Variants in NAA11 observed in about 807,000 individuals in gnomAD.
NAA11 encodes the protein N-alpha-acetyltransferase 11, NatA catalytic subunit.
Under a neutral mutation model 16.1 loss-of-function variants are expected in NAA11, and 15 were observed. That is an observed-to-expected ratio of 0.93 (90% CI 0.62 to 1.44). The LOEUF (loss-of-function observed/expected upper bound fraction) is 1.44, where lower values mean the gene tolerates loss of function less well. NAA11 is among the 40% of genes most tolerant of loss of function. NAA11 has a pLI of 0.00. For synonymous variants in NAA11, 122 were observed against 112.4 expected (o/e 1.09, Z -0.54); for missense variants, 298 against 291.3 (o/e 1.02, Z -0.17).
intron 2 of NAA11, among the ~76,000 whole-genome samples, chr4:79,262,544 T>C (rs1424813341): frequency 6.6e-6 from 1 of 152,142 alleles, no homozygotes; most frequent in Non-Finnish European, 1.5e-5. Context: ...AAACATCTTC[T>C]TATTCAGCAA....
chr4:79,192,344 C>A, the NAA11 span, among the ~76,000 whole-genome samples: 1 of 151,162 alleles, frequency 6.6e-6, no homozygotes, highest in East Asian at 1.9e-4. Flanking sequence ...CATCATTTAA[C>A]ATTAGGTATA....
intron 2 of NAA11, among the ~76,000 whole-genome samples, chr4:79,243,960 T>C (rs563939367): frequency 4.6e-5 from 7 of 152,348 alleles, no homozygotes; most frequent in South Asian, 2.1e-4. Context: ...CCCTTGGGAA[T>C]TGAGCATGCG....
chr4:79,226,408 C>T (rs911060447), intron 2 of NAA11: 2 of 151,428 alleles, frequency 1.3e-5, no homozygotes, highest in African/African-American at 4.8e-5. Context: ...ATATGCCCAG[C>T]TAAATCTTTT....
chr4:79,261,041 G>T (rs1205514307), intron 2 of NAA11, among the ~76,000 whole-genome samples: 1 of 152,130 alleles, frequency 6.6e-6, no homozygotes, highest in African/African-American at 2.4e-5. Flanking sequence ...AAAAAGAAAG[G>T]TTAATAATTA....
intron 1 of NAA11, among the ~76,000 whole-genome samples, chr4:79,322,668 A>G (rs878965371): frequency 2.0e-5 from 3 of 152,204 alleles, no homozygotes; most frequent in Admixed American, 2.0e-4. Context: ...AGGTTTGTGC[A>G]TTCAAAGAGT....
downstream of NAA11, among the ~76,000 whole-genome samples, chr4:79,223,413 C>T (rs933735156): frequency 6.9e-6 from 1 of 145,394 alleles, no homozygotes; most frequent in African/African-American, 2.6e-5. Flanking sequence ...CCAAACACCG[C>T]ATATTCTCAC....
At position 79,326,032 on chromosome 4, in the gene NAA11, A is replaced by G. The variant is rs1724272825; in HGVS notation, c.-155T>C. On this transcript the variant is annotated 5_prime_UTR_variant, in exon 1 of 2. Transcript: ENST00000286794. ...GGGCGGATGGCGGGAAGGCGGAAGGAGCAGGAGATGGAAAAGATGGTGCCA... is the reference window on the plus strand; with the variant it reads ...GGGCGGATGGCGGGAAGGCGGAAGGGGCAGGAGATGGAAAAGATGGTGCCA... The G allele has an allele frequency of 9.3e-6, 6 of 645,340 alleles. No individual in the cohort carries two copies. Among genetic ancestry groups the G allele is most frequent in the South Asian group, 2.1e-5 (1 of 48,414 alleles). The allele number at this position is 645,340 out of a possible 1,614,324, so 40.0% of individuals were successfully genotyped here. A position where few individuals can be genotyped will look rare whatever the true frequency, so the allele number is the denominator to read the frequency against.
intron 2 of NAA11, among the ~76,000 whole-genome samples, chr4:79,280,598 T>G (rs1428782644): frequency 6.6e-6 from 1 of 152,032 alleles, no homozygotes; most frequent in Non-Finnish European, 1.5e-5. Context: ...TTGATACTTT[T>G]TTTTTCCTAT....
the NAA11 span, among the ~76,000 whole-genome samples, chr4:79,188,174 G>A: frequency 2.0e-5 from 3 of 152,132 alleles, no homozygotes; most frequent in African/African-American, 4.8e-5. Context: ...TAGGCATTCA[G>A]CTTTATTTTG....
chr4:79,164,417 G>C, the NAA11 span, among the ~76,000 whole-genome samples: 2 of 152,164 alleles, frequency 1.3e-5, no homozygotes, highest in African/African-American at 2.4e-5. Context: ...CAAGTGTCTT[G>C]AGCAGACAAA....
chr4:79,188,356 C>T, the NAA11 span, among the ~76,000 whole-genome samples: 1 of 152,078 alleles, frequency 6.6e-6, no homozygotes, highest in East Asian at 1.9e-4. Context: ...GAGGCCGAGG[C>T]GGGTGGATCA....
the NAA11 span, among the ~76,000 whole-genome samples, chr4:79,166,660 G>C: frequency 7.0e-6 from 1 of 143,682 alleles, no homozygotes; most frequent in Non-Finnish European, 1.5e-5. Flanking sequence ...ACAAGGTCAG[G>C]AGTTCAAGAC....
At chr4:79,157,782 C>T in the NAA11 span, among the ~76,000 whole-genome samples, 34,420 of 151,764 alleles carry the variant, frequency 0.23, 4,540 homozygotes, top group Middle Eastern at 0.37. Context: ...TGGCCACTCT[C>T]ACCACTTGTA....
intron 2 of NAA11, among the ~76,000 whole-genome samples, chr4:79,263,295 G>A (rs907426402): frequency 6.6e-6 from 1 of 152,162 alleles, no homozygotes; most frequent in Non-Finnish European, 1.5e-5. Context: ...TGCATGTGTG[G>A]AAGGATGAGT....
chr4:79,166,521 C>CT, the NAA11 span, among the ~76,000 whole-genome samples: 48 of 143,928 alleles, frequency 3.3e-4, no homozygotes, highest in Middle Eastern at 3.6e-3. Context: ...CTGCCTATTA[C>CT]TTTTTTTTTT....
chr4:79,206,465 A>G, the NAA11 span, among the ~76,000 whole-genome samples: 1 of 152,172 alleles, frequency 6.6e-6, no homozygotes, highest in Non-Finnish European at 1.5e-5. Context: ...AATGTCTGCT[A>G]GCCGTAATAG....
intron 2 of NAA11, among the ~76,000 whole-genome samples, chr4:79,261,459 A>G (rs1722242848): frequency 6.6e-6 from 1 of 152,252 alleles, no homozygotes; most frequent in Admixed American, 6.5e-5. Flanking sequence ...TCAGTGTAAT[A>G]GAAAATCTCA....
chr4:79,320,845 GCAC>G (rs1405396779), intron 1 of NAA11, among the ~76,000 whole-genome samples: 1 of 152,176 alleles, frequency 6.6e-6, no homozygotes, highest in African/African-American at 2.4e-5. Context: ...ACAGGAGGGA[GCAC>G]CACAATTGTA....
the NAA11 span, among the ~76,000 whole-genome samples, chr4:79,209,791 A>G: frequency 1.3e-5 from 2 of 152,042 alleles, no homozygotes; most frequent in Non-Finnish European, 2.9e-5. Flanking sequence ...CGCATGTATA[A>G]TCCCAATACT....
Sources: gnomAD v4.1 joint callset for allele counts (sites outside exome capture counted in the v4.1 genomes callset) on GRCh38, gnomAD v4.1.1 for gene constraint, MANE v1.5 for transcripts, NCBI Gene and HGNC (gene_info 2026-07-23, HGNC 2026-07-21) for gene names.